Variants in TTLL11 observed in about 807,000 individuals in gnomAD.
The protein encoded by TTLL11 is tubulin polyglutamylase TTLL11.
A neutral mutation model predicts 51.7 loss-of-function variants in TTLL11; 42 were observed. The ratio of observed to expected loss-of-function variants is 0.81; its 90% confidence interval spans 0.64 to 1.05. TTLL11 has a LOEUF of 1.05. TTLL11 is among the 50% of genes least tolerant of loss of function. The probability of loss-of-function intolerance (pLI) is 0.00; values close to 1 mark genes in which losing one functional copy is unlikely to be tolerated. For synonymous variants in TTLL11, 381 were observed against 383.5 expected (o/e 0.99, Z 0.08); for missense variants, 799 against 940.4 (o/e 0.85, Z 1.97).
Position 121,882,078 on chromosome 9 carries a change from T to C in TTLL11, c.1482-11330A>G, listed in dbSNP as rs551762571. Among the ~76,000 whole-genome samples, 3 of 152,320 alleles carry C rather than the reference T, an allele frequency of 2.0e-5. No homozygotes were observed. The East Asian group carries it at 5.8e-4, about 29-fold the overall frequency. ...GGGCTAATCCATTCAGAGCCATACC[T>C]GGAACGTGGCAAGCACTCAGTAAGT... On this transcript the variant is annotated intron_variant, in intron 6 of 8. Coordinates refer to ENST00000321582, the MANE Select transcript of TTLL11 (RefSeq NM_001139442.2).
intron 1 of TTLL11, among the ~76,000 whole-genome samples, chr9:122,085,658 A>G (rs1331599526): frequency 6.6e-6 from 1 of 152,260 alleles, no homozygotes; most frequent in African/African-American, 2.4e-5. Flanking sequence ...AATAGATCAA[A>G]TAACCAAGCC....
chr9:121,998,436 G>A (rs1010837043), intron 3 of TTLL11, among the ~76,000 whole-genome samples: 2 of 151,906 alleles, frequency 1.3e-5, no homozygotes, highest in Admixed American at 6.6e-5. Flanking sequence ...ACAGGCACCC[G>A]CCACCACATT....
intron 8 of TTLL11, among the ~76,000 whole-genome samples, chr9:121,833,581 C>A (rs1313215962): frequency 6.6e-6 from 1 of 152,062 alleles, no homozygotes; most frequent in Non-Finnish European, 1.5e-5. Flanking sequence ...GACATGTTTA[C>A]GCGTATTCTT....
At chr9:121,902,490 A>T (rs1031384505) in intron 6 of TTLL11, among the ~76,000 whole-genome samples, 3 of 152,128 alleles carry the variant, frequency 2.0e-5, no homozygotes, top group Non-Finnish European at 4.4e-5. Flanking sequence ...TTTCTCACAG[A>T]CTGTTTCAAT....
At chr9:121,866,869 C>T (rs970141408) in intron 7 of TTLL11, among the ~76,000 whole-genome samples, 1 of 152,112 alleles carries the variant, frequency 6.6e-6, no homozygotes, top group African/African-American at 2.4e-5. Flanking sequence ...GTCACCATGG[C>T]TCCCTAATGA....
intron 6 of TTLL11, among the ~76,000 whole-genome samples, chr9:121,902,156 T>A (rs367878517): frequency 3.4e-4 from 51 of 152,138 alleles, no homozygotes; most frequent in African/African-American, 1.2e-3. Flanking sequence ...TAAAAACCAT[T>A]TCTCATCCTA....
At chr9:121,957,216 G>T (rs1019420917) in intron 6 of TTLL11, among the ~76,000 whole-genome samples, 7 of 152,114 alleles carry the variant, frequency 4.6e-5, no homozygotes, top group Non-Finnish European at 1.0e-4. Flanking sequence ...TGAATCAGGG[G>T]GCGCCTTCTA....
chr9:121,876,712 T>G (rs1381717685), intron 6 of TTLL11, among the ~76,000 whole-genome samples: 1 of 152,170 alleles, frequency 6.6e-6, no homozygotes, highest in Non-Finnish European at 1.5e-5. Context: ...TGGATGGTAT[T>G]AGAAAGCTAC....
chr9:121,912,593 G>A (rs770510048), intron 6 of TTLL11, among the ~76,000 whole-genome samples: 1 of 152,120 alleles, frequency 6.6e-6, no homozygotes, highest in East Asian at 1.9e-4. Context: ...CACATCCACT[G>A]TTGAACTTGT....
Position 121,847,403 on chromosome 9 carries a change from G to A in TTLL11, c.1840+12934C>T, listed in dbSNP as rs1837549475. Among the ~76,000 whole-genome samples the A allele has an allele frequency of 2.6e-5, 4 of 151,638 alleles. No homozygotes were observed. The South Asian group carries it at 8.3e-4, about 32-fold the overall frequency. ...CAAAAAAAGCAACAACAGAGAAAGAGAAAAGGTTATTAGATTACTAATTAG... is the reference window on the plus strand; with the variant it reads ...CAAAAAAAGCAACAACAGAGAAAGAAAAAAGGTTATTAGATTACTAATTAG... On this transcript the variant is annotated intron_variant, in intron 8 of 8. Transcript: ENST00000321582.
chr9:122,005,507 A>G (rs922293215), intron 3 of TTLL11, among the ~76,000 whole-genome samples: 4 of 152,192 alleles, frequency 2.6e-5, no homozygotes, highest in Admixed American at 1.3e-4. Flanking sequence ...GCATTGGGCT[A>G]AGAGGTCACA....
intron 6 of TTLL11, among the ~76,000 whole-genome samples, chr9:121,880,893 C>A (rs945059915): frequency 1.1e-4 from 16 of 152,238 alleles, no homozygotes; most frequent in African/African-American, 3.9e-4. Context: ...GGATTGGAAC[C>A]TGGGTGGTCT....
At chr9:121,889,767 G>A (rs1413728276) in intron 6 of TTLL11, among the ~76,000 whole-genome samples, 2 of 152,186 alleles carry the variant, frequency 1.3e-5, no homozygotes, top group African/African-American at 4.8e-5. Flanking sequence ...GGGCATGCGG[G>A]CGTTTGCCTG....
intron 6 of TTLL11, among the ~76,000 whole-genome samples, chr9:121,892,787 A>G (rs1839300517): frequency 1.3e-5 from 2 of 152,204 alleles, no homozygotes; most frequent in Non-Finnish European, 2.9e-5. Context: ...CCCAGAAGTG[A>G]GGTCCCCTTT....
At chr9:121,864,445 G>A (rs1838120277) in intron 7 of TTLL11, among the ~76,000 whole-genome samples, 1 of 152,226 alleles carries the variant, frequency 6.6e-6, no homozygotes, top group African/African-American at 2.4e-5. Flanking sequence ...GAAAGGATAG[G>A]TTAGAAATGT....
chr9:121,996,604 C>T (rs1244323228), intron 3 of TTLL11, among the ~76,000 whole-genome samples: 3 of 152,224 alleles, frequency 2.0e-5, no homozygotes, highest in Non-Finnish European at 4.4e-5. Context: ...CAGCTAGTAG[C>T]AGAACCAGAA....
At chr9:122,050,409 C>T (rs911552448) in intron 1 of TTLL11, among the ~76,000 whole-genome samples, 4 of 152,338 alleles carry the variant, frequency 2.6e-5, no homozygotes, top group African/African-American at 9.6e-5. Context: ...ATAGAGTTCT[C>T]TCCAATGTTC....
chr9:121,842,224 G>C (rs1390746669), intron 8 of TTLL11, among the ~76,000 whole-genome samples: 1 of 150,992 alleles, frequency 6.6e-6, no homozygotes, highest in African/African-American at 2.5e-5. Context: ...GGGGTTGAAA[G>C]AGATGATCTT....
At chr9:121,878,428 T>C (rs948397622) in intron 6 of TTLL11, among the ~76,000 whole-genome samples, 1 of 152,188 alleles carries the variant, frequency 6.6e-6, no homozygotes, top group African/African-American at 2.4e-5. Flanking sequence ...ATGTTTGTAA[T>C]GTGTGTCGAC....
Sources: gnomAD v4.1 joint callset for allele counts (sites outside exome capture counted in the v4.1 genomes callset) on GRCh38, gnomAD v4.1.1 for gene constraint, MANE v1.5 for transcripts, NCBI Gene and HGNC (gene_info 2026-07-23, HGNC 2026-07-21) for gene names.